NRXN3: variants seen among roughly 807,000 people sequenced by gnomAD.
NRXN3 encodes neurexin III.
Under a neutral mutation model 137.6 loss-of-function variants are expected in NRXN3, and 32 were observed. The ratio of observed to expected loss-of-function variants is 0.23; its 90% CI spans 0.18 to 0.31. NRXN3 has a LOEUF of 0.31. Ranked by LOEUF, NRXN3 falls within the 10% of genes least tolerant of loss-of-function variation. NRXN3 has a pLI of 1.00. For missense variants in NRXN3, 1,574 were observed against 2,062.5 expected, an observed-to-expected ratio of 0.76 and a Z score of 4.59; for synonymous variants, 798 against 784.5, an observed-to-expected ratio of 1.02 and a Z score of -0.29.
At chr14:78,353,867 GTCAC>G (rs2083905191) in intron 4 of NRXN3, among the ~76,000 whole-genome samples, 1 of 152,164 alleles carries the variant, frequency 6.6e-6, no homozygotes, top group Non-Finnish European at 1.5e-5. Context: ...GAAAAAGGCA[GTCAC>G]AGTGCACTGG....
intron 15 of NRXN3, among the ~76,000 whole-genome samples, chr14:79,264,210 T>C (rs2153413563): frequency 6.6e-6 from 1 of 152,246 alleles, no homozygotes; most frequent in South Asian, 2.1e-4. Flanking sequence ...CACCTCAGCC[T>C]CCCAGGTAGC....
At chr14:78,315,840 T>TA (rs147594232) in intron 4 of NRXN3, among the ~76,000 whole-genome samples, 6,325 of 152,152 alleles carry the variant, frequency 0.042, 404 homozygotes, top group African/African-American at 0.14. Context: ...ATAATAGGAG[T>TA]ACATGTTTGA....
intron 1 of NRXN3, among the ~76,000 whole-genome samples, chr14:78,225,971 GTTGGTGT>G (rs1567012863): frequency 6.3e-5 from 7 of 111,630 alleles, no homozygotes; most frequent in Non-Finnish European, 8.7e-5. Context: ...GTGTGTGTGT[GTTGGTGT>G]GTGTGTGTGT....
At chr14:78,925,813 C>T (rs769245815) in intron 10 of NRXN3, among the ~76,000 whole-genome samples, 6 of 152,156 alleles carry the variant, frequency 3.9e-5, no homozygotes, top group Non-Finnish European at 7.3e-5. Flanking sequence ...GCACAGACTC[C>T]TCCCTTTCCT....
chr14:79,504,218 A>G (rs1382709008), intron 16 of NRXN3, among the ~76,000 whole-genome samples: 4 of 152,204 alleles, frequency 2.6e-5, no homozygotes, highest in Non-Finnish European at 5.9e-5. Context: ...AAATGGTTGC[A>G]TTCATCTCAA....
chr14:78,243,942 T>A lies in NRXN3; in HGVS notation c.709+140T>A. Reference sequence around the variant, plus strand: ...TGGGCCCCTTGCCCTAAGGAGGCAGTGGAAATCCTTTGCCTACTCTTAATG... The same window carrying A: ...TGGGCCCCTTGCCCTAAGGAGGCAGAGGAAATCCTTTGCCTACTCTTAATG... On this transcript the variant is annotated intron_variant, in intron 2 of 20. Coordinates refer to ENST00000335750, the MANE Select transcript of NRXN3 (RefSeq NM_001330195.2). The surrounding 1 kb of genome is among the most constrained non-coding windows in gnomAD (Gnocchi z 4.2). 1.5e-6 allele frequency: 1 copy of A among 655,530 alleles called. No individual in the cohort carries two copies. Among genetic ancestry groups the A allele is most frequent in the Non-Finnish European group, 2.6e-6 (1 of 386,430 alleles). 40.6% of individuals were successfully genotyped at this position (655,530 alleles called of 1,614,324 possible).
chr14:78,335,072 T>C (rs571420030), intron 4 of NRXN3, among the ~76,000 whole-genome samples: 6 of 152,246 alleles, frequency 3.9e-5, no homozygotes, highest in Non-Finnish European at 7.4e-5. Context: ...AAGGCCACTC[T>C]TCTCTAGTTT....
At chr14:79,557,753 T>TGC (rs1167207827) in intron 16 of NRXN3, among the ~76,000 whole-genome samples, 1 of 152,148 alleles carries the variant, frequency 6.6e-6, no homozygotes, top group African/African-American at 2.4e-5. Flanking sequence ...GGGTGGCAGT[T>TGC]GCTGGAGGTT....
In NRXN3 at chr14:79,296,564, C is replaced by T. The variant is rs187409787; in HGVS notation, c.3263-170657C>T. 9.5e-4 allele frequency among the ~76,000 whole-genome samples: 144 copies of T among 151,784 alleles called. 1 individual carries two copies. The highest frequency in any genetic ancestry group is 2.9e-3 in the African/African-American group (122 of 41,416). The stretch of plus-strand genomic sequence containing the variant: ...GAGTTTGGGGCTCTTTGATGGAGGA[C>T]GTTGAGTAATAACTATAATTATAAT... On this transcript the variant is annotated intron_variant, in intron 15 of 20. Transcript: ENST00000335750.
chr14:79,505,400 A>G (rs929854582), intron 16 of NRXN3, among the ~76,000 whole-genome samples: 2 of 149,316 alleles, frequency 1.3e-5, no homozygotes, highest in African/African-American at 4.8e-5. Flanking sequence ...CATGTCTTCC[A>G]AAAGCTTCCT....
At chr14:79,728,704 C>T (rs943379998) in intron 19 of NRXN3, among the ~76,000 whole-genome samples, 1 of 152,148 alleles carries the variant, frequency 6.6e-6, no homozygotes, top group African/African-American at 2.4e-5. Context: ...AAATGGCTGC[C>T]TCACCATTTA....
intron 4 of NRXN3, among the ~76,000 whole-genome samples, chr14:78,523,643 C>CAAAAAAAAAAA (rs3036598): frequency 3.9e-5 from 3 of 77,716 alleles, no homozygotes; most frequent in African/African-American, 1.1e-4. Flanking sequence ...ACTACAAATA[C>CAAAAAAAAAAA]AAAAAAAAAA....
chr14:79,523,416 T>A (rs1374198255), intron 16 of NRXN3, among the ~76,000 whole-genome samples: 1 of 152,186 alleles, frequency 6.6e-6, no homozygotes, highest in South Asian at 2.1e-4. Flanking sequence ...TTGAAGATGT[T>A]AATTGATTCT....
chr14:79,560,664 C>T (rs1158107308), intron 16 of NRXN3, among the ~76,000 whole-genome samples: 1 of 151,684 alleles, frequency 6.6e-6, no homozygotes, highest in Non-Finnish European at 1.5e-5. Flanking sequence ...GCATGCACCT[C>T]CACGCCTGGG....
chr14:79,282,493 G>GTCTCTC (rs535502639), intron 15 of NRXN3, among the ~76,000 whole-genome samples: 4 of 148,490 alleles, frequency 2.7e-5, no homozygotes, highest in African/African-American at 9.9e-5. Context: ...GTCAGAGTCA[G>GTCTCTC]TCTCTCTCTC....
At chr14:79,058,746 G>A (rs2099669512) in intron 15 of NRXN3, among the ~76,000 whole-genome samples, 1 of 152,090 alleles carries the variant, frequency 6.6e-6, no homozygotes, top group African/African-American at 2.4e-5. Context: ...GTTGAGGGAG[G>A]GAGGTGATCG....
intron 2 of NRXN3, among the ~76,000 whole-genome samples, chr14:78,249,732 A>G (rs1461404200): frequency 6.6e-6 from 1 of 152,136 alleles, no homozygotes; most frequent in East Asian, 1.9e-4. Context: ...TGCTTTTTAT[A>G]TTCATTGGCT....
intron 8 of NRXN3, among the ~76,000 whole-genome samples, chr14:78,770,304 G>A (rs182425709): frequency 1.3e-5 from 2 of 152,300 alleles, no homozygotes; most frequent in East Asian, 1.9e-4. Flanking sequence ...TTTCCGTGGC[G>A]TGGCCTGTAG....
At chr14:79,150,002 A>G (rs2059655731) in intron 15 of NRXN3, among the ~76,000 whole-genome samples, 1 of 152,080 alleles carries the variant, frequency 6.6e-6, no homozygotes, top group East Asian at 1.9e-4. Context: ...TGTACCGTGG[A>G]ACTTAAAATA....
Sources: gnomAD v4.1 joint callset for allele counts (sites outside exome capture counted in the v4.1 genomes callset) on GRCh38, gnomAD v4.1.1 for gene constraint, Gnocchi (gnomAD v3.1) non-coding constraint, MANE v1.5 for transcripts, NCBI Gene and HGNC (gene_info 2026-07-23, HGNC 2026-07-21) for gene names.